ERGIC1: variants seen among roughly 807,000 people sequenced by gnomAD.
The protein encoded by ERGIC1 is endoplasmic reticulum-golgi intermediate compartment 1, also known as endoplasmic reticulum-Golgi intermediate compartment protein 1.
A neutral mutation model predicts 38.3 loss-of-function variants in ERGIC1; 19 were observed. The observed-to-expected ratio is 0.50, with a 90% confidence interval of 0.35 to 0.73. The LOEUF (loss-of-function observed/expected upper bound fraction) is 0.73, where lower values mean the gene tolerates loss of function less well. ERGIC1 is among the 30% of genes least tolerant of loss of function. ERGIC1 has a pLI of 0.01. For missense variants in ERGIC1, 294 were observed against 389.2 expected (o/e 0.76, Z 2.06); for synonymous variants, 124 against 157.6 (o/e 0.79, Z 1.60).
At chr5:172,900,379 C>G (rs547708939) in intron 3 of ERGIC1, among the ~76,000 whole-genome samples, 47 of 152,194 alleles carry the variant, frequency 3.1e-4, no homozygotes, top group African/African-American at 1.1e-3. Flanking sequence ...CTGATCCCAC[C>G]GAGTCCCTGG....
chr5:172,908,572 T>C (rs550429241), intron 3 of ERGIC1, among the ~76,000 whole-genome samples: 13 of 150,626 alleles, frequency 8.6e-5, no homozygotes, highest in African/African-American at 2.9e-4. Context: ...TGAGACTCTG[T>C]CTCAAAAAAT....
intron 3 of ERGIC1, among the ~76,000 whole-genome samples, chr5:172,906,526 GGTGTCTTTT>G (rs1763030123): frequency 2.0e-5 from 3 of 152,098 alleles, no homozygotes; most frequent in Non-Finnish European, 4.4e-5. Flanking sequence ...AGAAGCCCCA[GGTGTCTTTT>G]CAGAGCCCAC....
chr5:172,840,950 A>C (rs1476059424), intron 1 of ERGIC1, among the ~76,000 whole-genome samples: 3 of 152,094 alleles, frequency 2.0e-5, no homozygotes, highest in Non-Finnish European at 2.9e-5. Flanking sequence ...CTCACTGAGG[A>C]CTCTGAAGAG....
chr5:172,836,723 T>C (rs150676024), intron 1 of ERGIC1, among the ~76,000 whole-genome samples: 3 of 152,296 alleles, frequency 2.0e-5, no homozygotes, highest in African/African-American at 7.2e-5. Flanking sequence ...GGTCCGGCTC[T>C]CTTTGCATTC....
intron 5 of ERGIC1, chr5:172,915,300 TTCTGTG>T (rs1439340886): frequency 2.8e-5 from 15 of 536,124 alleles, no homozygotes; most frequent in Non-Finnish European, 4.8e-5. Flanking sequence ...GAATGGCACG[TTCTGTG>T]TTCCAGGGTC....
At chr5:172,859,195 A>AT (rs1761633851) in intron 1 of ERGIC1, among the ~76,000 whole-genome samples, 2 of 151,732 alleles carry the variant, frequency 1.3e-5, no homozygotes, top group African/African-American at 2.4e-5. Flanking sequence ...TTCCTCTATG[A>AT]TTTTTCCTGT....
chr5:172,914,379 G>T (rs1763296042), intron 4 of ERGIC1, among the ~76,000 whole-genome samples: 1 of 152,058 alleles, frequency 6.6e-6, no homozygotes, highest in South Asian at 2.1e-4. Context: ...TTTCAAGGAG[G>T]GTTCAATTAT....
chr5:172,891,289 C>CA (rs1469054282), intron 2 of ERGIC1, among the ~76,000 whole-genome samples: 1 of 152,038 alleles, frequency 6.6e-6, no homozygotes, highest in African/African-American at 2.4e-5. Context: ...GAACCTGATC[C>CA]AAAAAAATCA....
At chr5:172,910,092 C>T (rs969021187) in intron 4 of ERGIC1, among the ~76,000 whole-genome samples, 12 of 152,092 alleles carry the variant, frequency 7.9e-5, no homozygotes, top group African/African-American at 2.4e-4. Context: ...AAGGGAGAAA[C>T]GCAGGATAGG....
At chr5:172,946,061 G>A (rs1383606926) in intron 9 of ERGIC1, among the ~76,000 whole-genome samples, 1 of 152,178 alleles carries the variant, frequency 6.6e-6, no homozygotes, top group Non-Finnish European at 1.5e-5. Context: ...GTGATGCCAC[G>A]ATGCAGCCTC....
At chr5:172,942,026 C>T (rs948848133) in intron 9 of ERGIC1, among the ~76,000 whole-genome samples, 1 of 152,090 alleles carries the variant, frequency 6.6e-6, no homozygotes, top group African/African-American at 2.4e-5. Context: ...CATGGTGAAA[C>T]CCCGTCTCTA....
intron 9 of ERGIC1, among the ~76,000 whole-genome samples, chr5:172,941,859 C>T (rs1007290709): frequency 2.6e-5 from 4 of 152,178 alleles, no homozygotes; most frequent in African/African-American, 4.8e-5. Flanking sequence ...CAAACATTTG[C>T]CAGAAACTAA....
intron 7 of ERGIC1, among the ~76,000 whole-genome samples, chr5:172,930,381 C>T (rs527786621): frequency 2.0e-5 from 3 of 150,600 alleles, no homozygotes; most frequent in South Asian, 4.2e-4. Flanking sequence ...GATGGAGTCT[C>T]GCTCTGTTGC....
intron 3 of ERGIC1, 101 bp from the exon 4 acceptor site, chr5:172,909,566 C>A: frequency 1.8e-6 from 2 of 1,083,940 alleles, no homozygotes; most frequent in Non-Finnish European, 2.8e-6. Context: ...TCTGGGTTAT[C>A]TAAGTTGTGG....
chr5:172,881,356 T>C (rs976482281), intron 1 of ERGIC1, among the ~76,000 whole-genome samples: 3 of 152,166 alleles, frequency 2.0e-5, no homozygotes, highest in African/African-American at 7.2e-5. Context: ...GCCCATCTTA[T>C]CTTAGTCTCA....
At chr5:172,903,001 G>C (rs1363488209) in intron 3 of ERGIC1, among the ~76,000 whole-genome samples, 1 of 146,752 alleles carries the variant, frequency 6.8e-6, no homozygotes. Flanking sequence ...AGGCCCTTGC[G>C]TACCTCTCCC....
In ERGIC1 at chr5:172,858,204, G is replaced by A. The variant is rs1284286048; in HGVS notation, c.20+23771G>A. ...AGGCCCAGGTGGAGGGAGAGCATGGGCAAAGGCCCTGAGGTGGGAGGTCAC... is the reference window on the plus strand; with the variant it reads ...AGGCCCAGGTGGAGGGAGAGCATGGACAAAGGCCCTGAGGTGGGAGGTCAC... On this transcript the variant is annotated intron_variant, in intron 1 of 9. Transcript: ENST00000393784. Among the ~76,000 whole-genome samples, 3 of 152,352 alleles carry A rather than the reference G, an allele frequency of 2.0e-5. No homozygotes were observed. In the East Asian group the frequency reaches 5.8e-4, roughly 29 times the overall value.
At chr5:172,904,546 CAG>C (rs1762970840) in intron 3 of ERGIC1, among the ~76,000 whole-genome samples, 1 of 152,226 alleles carries the variant, frequency 6.6e-6, no homozygotes, top group African/African-American at 2.4e-5. Context: ...ACACTGGTGA[CAG>C]GGGAGTCAGG....
intron 1 of ERGIC1, among the ~76,000 whole-genome samples, chr5:172,855,066 C>G (rs1761510731): frequency 6.6e-6 from 1 of 152,204 alleles, no homozygotes; most frequent in East Asian, 1.9e-4. Flanking sequence ...GGACTCAGCT[C>G]TCCTTCAGAC....
Sources: gnomAD v4.1 joint callset for allele counts (sites outside exome capture counted in the v4.1 genomes callset) on GRCh38, gnomAD v4.1.1 for gene constraint, MANE v1.5 for transcripts, NCBI Gene and HGNC (gene_info 2026-07-23, HGNC 2026-07-21) for gene names.